The following KCNQ1 variants were observed in gnomAD, a reference collection of about 807,000 sequenced individuals.
KCNQ1 encodes potassium voltage-gated channel subfamily Q member 1.
KCNQ1 carries 49 observed loss-of-function variants against 72.4 expected under a neutral mutation model. The observed-to-expected ratio is 0.68, with a 90% CI of 0.54 to 0.86. The LOEUF is 0.86. KCNQ1 is among the 40% of genes least tolerant of loss of function. The probability of loss-of-function intolerance (pLI) is 0.00; values close to 1 mark genes in which losing one functional copy is unlikely to be tolerated. For synonymous variants in KCNQ1, 450 were observed against 412.6 expected, an observed-to-expected ratio of 1.09 and a Z score of -1.10; for missense variants, 790 against 945.1, an observed-to-expected ratio of 0.84 and a Z score of 2.15.
Position 2,767,345 on chromosome 11 carries a change from T to C in KCNQ1, c.1515-1499T>C, listed in dbSNP as rs1846517724. On this transcript the variant is annotated intron_variant, in intron 11 of 15. Coordinates refer to ENST00000155840, the MANE Select transcript of KCNQ1 (RefSeq NM_000218.3). This position sits in a 1 kb window ranked among gnomAD's most constrained non-coding sequence, Gnocchi z 4.6. ...CCACATTCCAAAAGGACATGAATTA[T>C]ATACCGTGTACATTCCCCAGTACTC... Among the ~76,000 whole-genome samples the C allele has an allele frequency of 6.6e-6, 1 of 152,204 alleles. No homozygotes were observed. The highest frequency in any genetic ancestry group is 2.4e-5 in the African/African-American group (1 of 41,454).
At position 2,651,613 on chromosome 11, in the gene KCNQ1, G is replaced by C. The variant is rs1230213592; in HGVS notation, c.1394-10348G>C. ...CCACATAGCAGGTCCTCCAAGATTT[G>C]CTGATCTGCCTGCCCCACCTGGGGT... On this transcript the variant is annotated intron_variant, in intron 10 of 15. Coordinates refer to ENST00000155840, the MANE Select transcript of KCNQ1 (RefSeq NM_000218.3). The surrounding 1 kb of genome is among the most constrained non-coding windows in gnomAD (Gnocchi z 6.1). The C allele has an allele frequency of 2.5e-6, 1 of 398,564 alleles. No homozygotes were observed. Among genetic ancestry groups the C allele is most frequent in the African/African-American group, 2.1e-5 (1 of 48,638 alleles). 24.7% of individuals were successfully genotyped at this position (398,564 alleles called of 1,614,324 possible). A position where few individuals can be genotyped will look rare whatever the true frequency, so the allele number is the denominator to read the frequency against.
At chr11:2,774,475 G>A (rs1450794346) in intron 12 of KCNQ1, among the ~76,000 whole-genome samples, 1 of 152,226 alleles carries the variant, frequency 6.6e-6, no homozygotes, top group Non-Finnish European at 1.5e-5. Context: ...AGTGGCTAGT[G>A]TTGCCAGTGA....
At chr11:2,798,814 G>A (rs574844555) in intron 15 of KCNQ1, among the ~76,000 whole-genome samples, 9 of 152,190 alleles carry the variant, frequency 5.9e-5, no homozygotes, top group South Asian at 2.1e-4. Context: ...AATTGGTCGC[G>A]TTGTTTGAAC....
intron 1 of KCNQ1, among the ~76,000 whole-genome samples, chr11:2,511,301 G>A (rs1278235702): frequency 1.3e-5 from 2 of 152,182 alleles, no homozygotes; most frequent in Non-Finnish European, 2.9e-5. Flanking sequence ...AGAGCCAGAG[G>A]TTGCCACTGG....
rs1343950719 is a variant in KCNQ1 at position 2,567,302 on chromosome 11, G to C, written c.478-3326G>C. 6.6e-6 allele frequency among the ~76,000 whole-genome samples: 1 copy of C among 152,148 alleles called. No individual in the cohort carries two copies. Among genetic ancestry groups the C allele is most frequent in the Non-Finnish European group, 1.5e-5 (1 of 68,014 alleles). ...CAGATGAACCCAGGGTTAGGAGGGT[G>C]GCTGGGGCATCACCCACCTGGGGTC... On this transcript the variant is annotated intron_variant, in intron 2 of 15. Coordinates refer to ENST00000155840, the MANE Select transcript of KCNQ1 (RefSeq NM_000218.3). This position sits in a 1 kb window ranked among gnomAD's most constrained non-coding sequence, Gnocchi z 6.6.
intron 15 of KCNQ1, among the ~76,000 whole-genome samples, chr11:2,820,589 T>TGTTA (rs1311265817): frequency 6.6e-6 from 1 of 152,146 alleles, no homozygotes; most frequent in Non-Finnish European, 1.5e-5. Context: ...TTTGTTTGTT[T>TGTTA]GTTAGTTTCA....
In KCNQ1 at chr11:2,657,780, T is replaced by C. The variant is rs759739851; in HGVS notation, c.1394-4181T>C. 6 of 398,526 alleles carry C rather than the reference T, an allele frequency of 1.5e-5. No individual in the cohort carries two copies. The highest frequency in any genetic ancestry group is 2.7e-5 in the Non-Finnish European group (6 of 226,066). The allele number at this position is 398,526 out of a possible 1,614,324, so 24.7% of individuals were successfully genotyped here. A position where few individuals can be genotyped will look rare whatever the true frequency, so the allele number is the denominator to read the frequency against. On this transcript the variant is annotated intron_variant, in intron 10 of 15. Coordinates refer to ENST00000155840, the MANE Select transcript of KCNQ1 (RefSeq NM_000218.3). The surrounding 1 kb of genome is among the most constrained non-coding windows in gnomAD (Gnocchi z 4.8). ...CTTGTTCTTCATTAACTTGACACTTTTGAAGAATACCAGTCAGGTGTCATT... is the reference window on the plus strand; with the variant it reads ...CTTGTTCTTCATTAACTTGACACTTCTGAAGAATACCAGTCAGGTGTCATT...
rs974900927 is a variant in KCNQ1 at position 2,808,686 on chromosome 11, T to C, written c.1794+30649T>C. Among the ~76,000 whole-genome samples, 1 of 152,188 alleles carries C rather than the reference T, an allele frequency of 6.6e-6. No individual in the cohort carries two copies. Among genetic ancestry groups the C allele is most frequent in the African/African-American group, 2.4e-5 (1 of 41,444 alleles). ...GGTCTGAAATGAAAGGTAAATACCT[T>C]CATGACCATGCCCCCTTTCCCTAGG... On this transcript the variant is annotated intron_variant, in intron 15 of 15. Transcript: ENST00000155840. The surrounding 1 kb of genome is among the most constrained non-coding windows in gnomAD (Gnocchi z 6.0).
At position 2,817,061 on chromosome 11, in the gene KCNQ1, G is replaced by C. The variant is rs80199045; in HGVS notation, c.1795-30706G>C. Among the ~76,000 whole-genome samples the C allele has an allele frequency of 6.6e-6, 1 of 152,028 alleles. No homozygotes were observed. The highest frequency in any genetic ancestry group is 2.4e-5 in the African/African-American group (1 of 41,396). ...GTGGCACTCCTGACCCCAGGAGACAGAGGGAACCCACCCTCACCCTAGTCC... is the reference window on the plus strand; with the variant it reads ...GTGGCACTCCTGACCCCAGGAGACACAGGGAACCCACCCTCACCCTAGTCC... On this transcript the variant is annotated intron_variant, in intron 15 of 15. Coordinates refer to ENST00000155840, the MANE Select transcript of KCNQ1 (RefSeq NM_000218.3). The surrounding 1 kb of genome is among the most constrained non-coding windows in gnomAD (Gnocchi z 6.1).
chr11:2,571,456 C>T, intron 4 of KCNQ1, 53 bp downstream of exon 4: 1 of 1,492,560 alleles, frequency 6.7e-7, no homozygotes, highest in Non-Finnish European at 9.2e-7. Context: ...CCGAGCACCC[C>T]TCCTGAGCCG....
Position 2,563,511 on chromosome 11 carries a change from T to G in KCNQ1, c.478-7117T>G, listed in dbSNP as rs1201176919. Among the ~76,000 whole-genome samples, 1 of 152,230 alleles carries G rather than the reference T, an allele frequency of 6.6e-6. No individual in the cohort carries two copies. Among genetic ancestry groups the G allele is most frequent in the East Asian group, 1.9e-4 (1 of 5,192 alleles). Reference sequence around the variant, plus strand: ...CCTCCTGTGTGACCTTGAGCTACCTTGAGCTTCCATTTTCCTTCCGCACCA... The same window carrying G: ...CCTCCTGTGTGACCTTGAGCTACCTGGAGCTTCCATTTTCCTTCCGCACCA... On this transcript the variant is annotated intron_variant, in intron 2 of 15. Transcript: ENST00000155840. The surrounding 1 kb of genome is among the most constrained non-coding windows in gnomAD (Gnocchi z 7.4).
rs147161990 is a variant in KCNQ1, at chr11:2,573,583, G to A, written c.921+597G>A. Among the ~76,000 whole-genome samples the A allele has an allele frequency of 5.9e-3, 897 of 152,368 alleles. 1 individual carries two copies. The highest frequency in any genetic ancestry group is 0.02 in the African/African-American group (817 of 41,586). The stretch of plus-strand genomic sequence containing the variant: ...GGGCCTGGGCAGTGGCGACATAGGT[G>A]CAGCTGGGCCTAGGGAAGCAGGGAC... On this transcript the variant is annotated intron_variant, in intron 6 of 15. Coordinates refer to ENST00000155840, the MANE Select transcript of KCNQ1 (RefSeq NM_000218.3).
intron 1 of KCNQ1, among the ~76,000 whole-genome samples, chr11:2,512,267 G>A (rs1589921014): frequency 6.6e-6 from 1 of 152,316 alleles, no homozygotes; most frequent in East Asian, 1.9e-4. Context: ...TGCTGGAGCC[G>A]GGGCGGGAGA....
Position 2,677,374 on chromosome 11 carries a change from T to C in KCNQ1, c.1514+15293T>C. On this transcript the variant is annotated intron_variant, in intron 11 of 15. Coordinates refer to ENST00000155840, the MANE Select transcript of KCNQ1 (RefSeq NM_000218.3). This position sits in a 1 kb window ranked among gnomAD's most constrained non-coding sequence, Gnocchi z 4.5. The stretch of plus-strand genomic sequence containing the variant: ...CAGAGTAGACCAGTTAGTTAATCAG[T>C]TGAAGAGGAAACCAAGATCGATGCC... 2.5e-6 allele frequency: 1 copy of C among 398,610 alleles called. No individual in the cohort carries two copies. Among genetic ancestry groups the C allele is most frequent in the Non-Finnish European group, 4.4e-6 (1 of 226,060 alleles). 24.7% of individuals were successfully genotyped at this position (398,610 alleles called of 1,614,324 possible). A position where few individuals can be genotyped will look rare whatever the true frequency, so the allele number is the denominator to read the frequency against.
In KCNQ1 at chr11:2,659,673, A is replaced by T; in HGVS notation, c.1394-2288A>T. ...GTTTAACTTAATAAGAAATTGCTAA[A>T]CTATTTCCTAAAGTCACTGTGCCAT... On this transcript the variant is annotated intron_variant, in intron 10 of 15. Transcript: ENST00000155840. The surrounding 1 kb of genome is among the most constrained non-coding windows in gnomAD (Gnocchi z 4.3). 2.5e-6 allele frequency: 1 copy of T among 398,508 alleles called. No individual in the cohort carries two copies. Among genetic ancestry groups the T allele is most frequent in the Non-Finnish European group, 4.4e-6 (1 of 226,014 alleles). 24.7% of individuals were successfully genotyped at this position (398,508 alleles called of 1,614,324 possible).
chr11:2,801,922 C>A (rs1382679837), intron 15 of KCNQ1, among the ~76,000 whole-genome samples: 1 of 152,260 alleles, frequency 6.6e-6, no homozygotes, highest in Non-Finnish European at 1.5e-5. Context: ...GCAGCACAGA[C>A]CTCAGAAGGC....
intron 1 of KCNQ1, among the ~76,000 whole-genome samples, chr11:2,460,088 G>A (rs943610408): frequency 6.6e-6 from 1 of 151,898 alleles, no homozygotes; most frequent in Non-Finnish European, 1.5e-5. Context: ...CACCCCCAGG[G>A]GGCCCCTCAC....
rs1848211047 is a variant in KCNQ1 at position 2,564,017 on chromosome 11, C to A, written c.478-6611C>A. Among the ~76,000 whole-genome samples, 1 of 152,126 alleles carries A rather than the reference C, an allele frequency of 6.6e-6. No individual in the cohort carries two copies. The highest frequency in any genetic ancestry group is 2.1e-4 in the South Asian group (1 of 4,828). On this transcript the variant is annotated intron_variant, in intron 2 of 15. Coordinates refer to ENST00000155840, the MANE Select transcript of KCNQ1 (RefSeq NM_000218.3). This position sits in a 1 kb window ranked among gnomAD's most constrained non-coding sequence, Gnocchi z 4.5. ...AAGGCCCACAGAATCCTTTTGGAGA[C>A]CTGACCCGCGGGAGCCCAGGTGAGC...
At chr11:2,585,677 C>T (rs1489516087) in intron 8 of KCNQ1, among the ~76,000 whole-genome samples, 1 of 152,196 alleles carries the variant, frequency 6.6e-6, no homozygotes, top group Non-Finnish European at 1.5e-5. Context: ...TGATTGTCCC[C>T]AAGGGAGGTA....
Sources: allele counts gnomAD v4.1 joint callset (sites outside exome capture counted in the v4.1 genomes callset), GRCh38; gene constraint gnomAD v4.1.1; non-coding constraint Gnocchi (gnomAD v3.1); transcripts MANE v1.5; gene names NCBI Gene and HGNC (gene_info 2026-07-23, HGNC 2026-07-21).